The following NEGR1 variants were observed in gnomAD, a reference collection of about 807,000 sequenced individuals.
The protein encoded by NEGR1 is IgLON family member 4.
Under a neutral mutation model 40.9 loss-of-function variants are expected in NEGR1, and 10 were observed. That is an observed-to-expected ratio of 0.24 (90% CI 0.15 to 0.42). The LOEUF is 0.42. Ranked by LOEUF, NEGR1 falls within the 10% of genes least tolerant of loss-of-function variation. The probability of loss-of-function intolerance (pLI) is 1.00; values close to 1 mark genes in which losing one functional copy is unlikely to be tolerated. For synonymous variants in NEGR1, 185 were observed against 166.8 expected, an observed-to-expected ratio of 1.11 and a Z score of -0.84; for missense variants, 352 against 438.9, an observed-to-expected ratio of 0.80 and a Z score of 1.77.
At chr1:71,704,812 T>A (rs1167161268) in intron 3 of NEGR1, among the ~76,000 whole-genome samples, 2 of 151,734 alleles carry the variant, frequency 1.3e-5, no homozygotes, top group African/African-American at 4.8e-5. Flanking sequence ...ACAAAAAATA[T>A]CAAAAGAAAA....
intron 6 of NEGR1, among the ~76,000 whole-genome samples, chr1:71,465,327 G>A (rs1430401689): frequency 6.6e-6 from 1 of 152,148 alleles, no homozygotes; most frequent in East Asian, 1.9e-4. Context: ...AGTTTTTTCT[G>A]AGTGGCTGCT....
chr1:71,622,443 T>G (rs1650639318), intron 4 of NEGR1, among the ~76,000 whole-genome samples: 1 of 151,966 alleles, frequency 6.6e-6, no homozygotes, highest in Non-Finnish European at 1.5e-5. Flanking sequence ...TTATAAACTT[T>G]CTTAAATAAA....
At chr1:72,076,986 C>T (rs970248783) in intron 1 of NEGR1, among the ~76,000 whole-genome samples, 1 of 151,062 alleles carries the variant, frequency 6.6e-6, no homozygotes. Flanking sequence ...CCTCCGCCCC[C>T]TGGGTTCAAG....
chr1:71,528,393 A>G (rs1241644664), intron 6 of NEGR1, among the ~76,000 whole-genome samples: 1 of 151,330 alleles, frequency 6.6e-6, no homozygotes, highest in African/African-American at 2.4e-5. Context: ...AACACCTTTA[A>G]GATAATAACC....
intron 1 of NEGR1, among the ~76,000 whole-genome samples, chr1:72,004,745 G>GA (rs1646591188): frequency 6.6e-6 from 1 of 152,110 alleles, no homozygotes; most frequent in South Asian, 2.1e-4. Flanking sequence ...TTAACATTTA[G>GA]AAAAATCACA....
chr1:71,542,732 T>C (rs1017567149), intron 6 of NEGR1, among the ~76,000 whole-genome samples: 1 of 151,864 alleles, frequency 6.6e-6, no homozygotes, highest in South Asian at 2.1e-4. Context: ...CAAGTGTTTT[T>C]AGCAATATGC....
In NEGR1 at chr1:71,802,224, C is replaced by A. The variant is rs76839880; in HGVS notation, c.410-25927G>T. Among the ~76,000 whole-genome samples the A allele has an allele frequency of 6.0e-3, 914 of 152,012 alleles. 8 individuals carry two copies. The highest frequency in any genetic ancestry group is 0.021 in the African/African-American group (857 of 41,404). On this transcript the variant is annotated intron_variant, in intron 2 of 6. Transcript: ENST00000357731. The stretch of plus-strand genomic sequence containing the variant: ...AGAAGAAATTATTAACAGAAAAAAA[C>A]CAGAACTTAAAGATTTAGAGAATTA...
intron 1 of NEGR1, among the ~76,000 whole-genome samples, chr1:72,051,917 A>G (rs535164724): frequency 6.6e-6 from 1 of 151,596 alleles, no homozygotes; most frequent in Non-Finnish European, 1.5e-5. Context: ...TGTCCTATGT[A>G]GAAGTTTGTC....
At chr1:72,154,358 T>A (rs562119741) in intron 1 of NEGR1, among the ~76,000 whole-genome samples, 1 of 152,122 alleles carries the variant, frequency 6.6e-6, no homozygotes, top group South Asian at 2.1e-4. Flanking sequence ...CTCTGGTCCA[T>A]GAATGGCTAA....
chr1:71,880,160 G>A (rs953865989), intron 2 of NEGR1, among the ~76,000 whole-genome samples: 3 of 151,916 alleles, frequency 2.0e-5, no homozygotes, highest in Non-Finnish European at 4.4e-5. Flanking sequence ...ATTTCAAAAT[G>A]CCCCAGGCAT....
At chr1:71,501,439 A>G (rs1158505810) in intron 6 of NEGR1, among the ~76,000 whole-genome samples, 1 of 152,198 alleles carries the variant, frequency 6.6e-6, no homozygotes, top group Non-Finnish European at 1.5e-5. Context: ...ATAGACCCAA[A>G]TATCATTTTC....
chr1:71,927,851 A>AAAAAAAAAAAAAAG (rs1557437874), intron 2 of NEGR1, among the ~76,000 whole-genome samples: 1 of 125,314 alleles, frequency 8.0e-6, no homozygotes, highest in African/African-American at 3.2e-5. Context: ...AAAAAAAAAA[A>AAAAAAAAAAAAAAG]GCCAGGCAGA....
At chr1:71,533,571 G>A (rs1382065365) in intron 6 of NEGR1, among the ~76,000 whole-genome samples, 1 of 151,568 alleles carries the variant, frequency 6.6e-6, no homozygotes, top group East Asian at 1.9e-4. Flanking sequence ...ATATATTTGT[G>A]TGTCTACAAG....
chr1:71,646,875 T>C lies in NEGR1; in HGVS notation c.668-35729A>G, dbSNP rs532029091. Among the ~76,000 whole-genome samples, 10 of 151,970 alleles carry C rather than the reference T, an allele frequency of 6.6e-5. No homozygotes were observed. In the South Asian group the frequency reaches 1.9e-3, roughly 28 times the overall value. ...CACAATTGAATTAACAATTCTAACA[T>C]AAATTATTGTCCCTGCATATATTAA... On this transcript the variant is annotated intron_variant, in intron 4 of 6. Transcript: ENST00000357731.
intron 3 of NEGR1, among the ~76,000 whole-genome samples, chr1:71,749,950 A>G (rs1042554883): frequency 3.9e-5 from 6 of 152,090 alleles, no homozygotes; most frequent in African/African-American, 1.4e-4. Context: ...ACAAAGCTAC[A>G]AAAATCAATC....
chr1:71,452,073 G>A (rs1646633356), intron 6 of NEGR1, among the ~76,000 whole-genome samples: 1 of 152,144 alleles, frequency 6.6e-6, no homozygotes, highest in Non-Finnish European at 1.5e-5. Context: ...ATTTTACTAT[G>A]AGACAAAGAG....
rs776682800 is a variant in NEGR1, at chr1:71,739,493, C to CA, written c.535+36678dup. ...CCTGACTAATACACCCCCACCAAAA[C>CA]AAAAAACAAAACAAAACAAAACAAA... On this transcript the variant is annotated intron_variant, in intron 3 of 6. Transcript: ENST00000357731. Among the ~76,000 whole-genome samples the CA allele has an allele frequency of 1.7e-3, 255 of 150,014 alleles. 1 individual carries two copies. The highest frequency in any genetic ancestry group is 2.9e-3 in the Non-Finnish European group (194 of 67,476).
At chr1:71,435,334 G>C (rs1364201967) in intron 6 of NEGR1, among the ~76,000 whole-genome samples, 1 of 152,044 alleles carries the variant, frequency 6.6e-6, no homozygotes. Flanking sequence ...TAAACCTAGA[G>C]GACTTAATGC....
At chr1:71,885,878 A>C (rs1660709029) in intron 2 of NEGR1, among the ~76,000 whole-genome samples, 1 of 152,172 alleles carries the variant, frequency 6.6e-6, no homozygotes, top group Admixed American at 6.6e-5. Context: ...TCAGTATGGA[A>C]ATTTATGAAA....
Sources: allele counts gnomAD v4.1 joint callset (sites outside exome capture counted in the v4.1 genomes callset), GRCh38; gene constraint gnomAD v4.1.1; transcripts MANE v1.5; gene names NCBI Gene and HGNC (gene_info 2026-07-23, HGNC 2026-07-21).